The following XYLT1 variants were observed in gnomAD, a reference collection of about 807,000 sequenced individuals.
The protein encoded by XYLT1 is xylosyltransferase 1.
XYLT1 carries 36 observed loss-of-function variants against 91.3 expected under a neutral mutation model. The observed-to-expected ratio is 0.39, with a 90% CI of 0.30 to 0.52. XYLT1 has a LOEUF of 0.52. Among genes scored for constraint, XYLT1 ranks in the 20% least tolerant of loss-of-function variants. XYLT1 has a pLI of 0.68. For missense variants in XYLT1, 1,242 were observed against 1,284.5 expected, an observed-to-expected ratio of 0.97 and a Z score of 0.51; for synonymous variants, 588 against 532.0, an observed-to-expected ratio of 1.11 and a Z score of -1.45.
chr16:17,378,623 G>A (rs765466065), intron 1 of XYLT1, among the ~76,000 whole-genome samples: 2 of 152,150 alleles, frequency 1.3e-5, no homozygotes, highest in South Asian at 2.1e-4. Flanking sequence ...TATGAAGCAC[G>A]TATTAGGTGC....
At chr16:17,451,234 A>C (rs2036662147) in intron 1 of XYLT1, among the ~76,000 whole-genome samples, 1 of 152,172 alleles carries the variant, frequency 6.6e-6, no homozygotes, top group South Asian at 2.1e-4. Context: ...CCCAGAAAAC[A>C]GTTGATGGTG....
rs911872533 is a variant in XYLT1 at position 17,312,973 on chromosome 16, C to T, written c.402+45039G>A. The stretch of plus-strand genomic sequence containing the variant: ...AAAGAACCGGATCCTCTTGGAAAAG[C>T]TCCCCCTGGCCGGGGCTGAGCAGGG... On this transcript the variant is annotated intron_variant, in intron 2 of 11. Transcript: ENST00000261381. The surrounding 1 kb of genome is among the most constrained non-coding windows in gnomAD (Gnocchi z 4.4). Among the ~76,000 whole-genome samples the T allele has an allele frequency of 1.3e-5, 2 of 152,248 alleles. No individual in the cohort carries two copies. The highest frequency in any genetic ancestry group is 2.9e-5 in the Non-Finnish European group (2 of 68,034).
intron 8 of XYLT1, among the ~76,000 whole-genome samples, chr16:17,135,225 G>C (rs1377385672): frequency 1.3e-5 from 2 of 152,190 alleles, no homozygotes; most frequent in African/African-American, 4.8e-5. Context: ...GTAACAACTG[G>C]TTAAAGCTGA....
At chr16:17,138,220 A>AAT in intron 8 of XYLT1, 135 bp downstream of exon 8, 1 of 860,982 alleles carries the variant, frequency 1.2e-6, no homozygotes, top group East Asian at 3.0e-5. Flanking sequence ...TGATACTGTT[A>AAT]ACTATTATTA....
intron 5 of XYLT1, among the ~76,000 whole-genome samples, chr16:17,189,854 C>A (rs917788168): frequency 3.9e-5 from 6 of 152,162 alleles, no homozygotes; most frequent in African/African-American, 1.2e-4. Context: ...CGAGACCAGA[C>A]TGACCAACAT....
chr16:17,138,207 T>C (rs994022377), intron 8 of XYLT1, 148 bp downstream of exon 8: 1 of 865,104 alleles, frequency 1.2e-6, no homozygotes, highest in Non-Finnish European at 1.7e-6. Flanking sequence ...CACTGGCTAT[T>C]GTTGATACTG....
At chr16:17,128,105 C>G (rs1202237196) in intron 9 of XYLT1, among the ~76,000 whole-genome samples, 1 of 152,192 alleles carries the variant, frequency 6.6e-6, no homozygotes, top group Non-Finnish European at 1.5e-5. Flanking sequence ...GACTACTTTC[C>G]ATGCCTCTTC....
chr16:17,198,258 G>C lies in XYLT1; in HGVS notation c.1243C>G (p.Pro415Ala). Residue 415 changes from proline to alanine, a missense_variant, in exon 5 of 12, where the codon CCC (proline) becomes GCC (alanine). This residue lies in a region of XYLT1 where 294 missense variants were observed against 376.0 expected (regional missense o/e 0.78). Transcript: ENST00000261381. ...CTCAGGTTGATGAAGAAGTCCCAGG[G>C]CCAGTCGGTCATCTCCAGGAGGTCC... ...MRDLLEMTDW[P>A]WDFFINLSAA... 6.2e-7 allele frequency: 1 copy of C among 1,614,224 alleles called. No homozygotes were observed. The highest frequency in any genetic ancestry group is 8.5e-7 in the Non-Finnish European group (1 of 1,180,036).
chr16:17,382,649 C>A (rs2035695883), intron 1 of XYLT1, among the ~76,000 whole-genome samples: 1 of 151,754 alleles, frequency 6.6e-6, no homozygotes, highest in Admixed American at 6.6e-5. Flanking sequence ...TACAGAGGAG[C>A]CAGTGTAACT....
intron 2 of XYLT1, among the ~76,000 whole-genome samples, chr16:17,340,985 C>G (rs956281632): frequency 1.3e-5 from 2 of 152,090 alleles, no homozygotes; most frequent in Non-Finnish European, 2.9e-5. Flanking sequence ...ATTGGTTTGT[C>G]GAAGATTATA....
At chr16:17,270,422 G>A (rs1192333580) in intron 2 of XYLT1, among the ~76,000 whole-genome samples, 3 of 152,166 alleles carry the variant, frequency 2.0e-5, no homozygotes, top group Admixed American at 6.5e-5. Flanking sequence ...CAGTCACAGC[G>A]CTCAGAGCAC....
intron 6 of XYLT1, among the ~76,000 whole-genome samples, chr16:17,144,140 C>A (rs1313112524): frequency 2.0e-5 from 3 of 152,244 alleles, no homozygotes; most frequent in Non-Finnish European, 4.4e-5. Context: ...ACTGTCTACC[C>A]TTTCCAGTAG....
chr16:17,192,617 C>T (rs868485508), intron 5 of XYLT1, among the ~76,000 whole-genome samples: 1 of 152,174 alleles, frequency 6.6e-6, no homozygotes, highest in Non-Finnish European at 1.5e-5. Context: ...GTGCTGGGTA[C>T]ACAACCAGCT....
Position 17,201,959 on chromosome 16 carries a change from C to G in XYLT1, c.914-1305G>C, listed in dbSNP as rs189603226. Among the ~76,000 whole-genome samples the G allele has an allele frequency of 2.9e-4, 44 of 152,284 alleles. 1 individual carries two copies. The highest frequency in any genetic ancestry group is 2.0e-3 in the Admixed American group (31 of 15,304). On this transcript the variant is annotated intron_variant, in intron 3 of 11. Coordinates refer to ENST00000261381, the MANE Select transcript of XYLT1 (RefSeq NM_022166.4). ...AGTAAGGCTACAGATCACCCACTGT[C>G]ATCTATCATGTTCTTTTAAATCCAA...
intron 1 of XYLT1, among the ~76,000 whole-genome samples, chr16:17,456,811 G>A (rs1465181215): frequency 1.3e-5 from 2 of 152,100 alleles, no homozygotes; most frequent in Non-Finnish European, 2.9e-5. Context: ...CCCTCTCTAT[G>A]CCTCAATTTC....
intron 2 of XYLT1, among the ~76,000 whole-genome samples, chr16:17,340,371 C>T (rs62030303): frequency 1.3e-5 from 2 of 152,396 alleles, no homozygotes. Context: ...AGGCTGAACA[C>T]AGAGCTCTGT....
At chr16:17,291,209 C>T (rs2034220160) in intron 2 of XYLT1, among the ~76,000 whole-genome samples, 1 of 152,190 alleles carries the variant, frequency 6.6e-6, no homozygotes, top group African/African-American at 2.4e-5. Context: ...TGCCATGTTG[C>T]CACAGGGCTG....
At chr16:17,260,128 G>C (rs2033701913) in intron 2 of XYLT1, among the ~76,000 whole-genome samples, 1 of 151,506 alleles carries the variant, frequency 6.6e-6, no homozygotes, top group African/African-American at 2.4e-5. Flanking sequence ...TCTTGTGCTT[G>C]AGTTTGGCTC....
chr16:17,268,622 T>TAC (rs1182334778), intron 2 of XYLT1, among the ~76,000 whole-genome samples: 1 of 151,646 alleles, frequency 6.6e-6, no homozygotes, highest in African/African-American at 2.4e-5. Context: ...CCATACACAA[T>TAC]ACACACACAC....
Sources: allele counts gnomAD v4.1 joint callset (sites outside exome capture counted in the v4.1 genomes callset), GRCh38; gene constraint gnomAD v4.1.1; regional missense constraint gnomAD v4.1.1; non-coding constraint Gnocchi (gnomAD v3.1); transcripts MANE v1.5; gene names NCBI Gene and HGNC (gene_info 2026-07-23, HGNC 2026-07-21).